PARN: variants seen among roughly 807,000 people sequenced by gnomAD.
PARN encodes the protein poly(A)-specific ribonuclease.
PARN carries 71 observed loss-of-function variants against 102.8 expected under a neutral mutation model. The ratio of observed to expected loss-of-function variants is 0.69; its 90% CI spans 0.57 to 0.84. PARN has a LOEUF of 0.84. PARN is among the 40% of genes least tolerant of loss of function. The pLI, the probability that PARN is intolerant of heterozygous loss-of-function variation, is 0.00. For synonymous variants in PARN, 261 were observed against 252.9 expected (o/e 1.03, Z -0.30); for missense variants, 782 against 760.9 (o/e 1.03, Z -0.33).
Position 14,485,776 on chromosome 16 carries a change from C to T in PARN, c.1481-2949G>A, listed in dbSNP as rs527817279. On this transcript the variant is annotated intron_variant, in intron 21 of 23. Coordinates refer to ENST00000437198, the MANE Select transcript of PARN (RefSeq NM_002582.4). ...CATCTAGGCTCATTGCAACCTCCGC[C>T]TCCCGGGTTCAAGTGATTCTCGTGC... is the stretch of plus-strand genomic sequence containing the variant. Among the ~76,000 whole-genome samples, 43 of 152,264 alleles carry T rather than the reference C, an allele frequency of 2.8e-4. No homozygotes were observed. In the East Asian group the frequency reaches 7.7e-3, roughly 27 times the overall value.
chr16:14,445,358 T>C (rs1019977711), intron 23 of PARN, among the ~76,000 whole-genome samples: 4 of 152,208 alleles, frequency 2.6e-5, no homozygotes, highest in African/African-American at 9.6e-5. Context: ...TCGGGCCACA[T>C]GCAAAAGGGG....
chr16:14,575,850 A>G (rs1296721239), intron 18 of PARN, among the ~76,000 whole-genome samples: 1 of 152,144 alleles, frequency 6.6e-6, no homozygotes, highest in Non-Finnish European at 1.5e-5. Flanking sequence ...ATTCCCACAT[A>G]TCGTAGGAGG....
rs1961225329 is a variant in PARN, at chr16:14,446,926, T to C, written c.1826A>G (p.Lys609Arg). 1.2e-6 allele frequency: 2 copies of C among 1,613,294 alleles called. No homozygotes were observed. The highest frequency in any genetic ancestry group is 1.7e-6 in the Non-Finnish European group (2 of 1,179,726). ...EPLSEGRKKA[K>R]KLKRMKKELS... is the part of the protein sequence containing the mutation. Reference sequence around the variant, plus strand: ...CTCCTTCTTCATTCTTTTTAATTTCTTGGCCTTTTTCCTTCCCTCTGAGAG... The same window carrying C: ...CTCCTTCTTCATTCTTTTTAATTTCCTGGCCTTTTTCCTTCCCTCTGAGAG... The change falls in exon 23 of 24, where the codon AAG (lysine) becomes AGG (arginine). Residue 609 changes from lysine to arginine, a missense_variant. Transcript: ENST00000437198.
chr16:14,593,491 TTAAAAAAAAAAAAAAAAAA>T (rs1472933554), intron 12 of PARN, 113 bp from the exon 13 acceptor site: 2 of 27,634 alleles, frequency 7.2e-5, no homozygotes, highest in Admixed American at 5.8e-4. Flanking sequence ...CTTTCCAGAC[TTAAAAAAAAAAAAAAAAAA>T]AAAAAAAAAA....
chr16:14,547,822 T>C (rs959355250), intron 21 of PARN, among the ~76,000 whole-genome samples: 1 of 152,204 alleles, frequency 6.6e-6, no homozygotes, highest in East Asian at 1.9e-4. Context: ...AGAAATAGTT[T>C]GTAACAGAGC....
rs201782700 is a variant in PARN at position 14,555,675 on chromosome 16, G to T, written c.1297C>A (p.Leu433Ile). The change falls in exon 19 of 24, where the codon CTA becomes ATA. Residue 433 changes from leucine (L) to isoleucine (I), a missense_variant. By Grantham distance (5) the Leu-to-Ile change is conservative (BLOSUM62 2). Transcript: ENST00000437198. Reference protein sequence around the residue: ...FLMRVMDIPYLNLEGPDLQPK... With the variant: ...FLMRVMDIPYINLEGPDLQPK... ...TTACAGTCTGGTCCTTCCAAGTTTA[G>T]ATAGGGGATATCCATGACCCTCATA... 4.6e-5 allele frequency: 68 copies of T among 1,482,462 alleles called. No individual in the cohort carries two copies. Among genetic ancestry groups the T allele is most frequent in the Non-Finnish European group, 5.7e-5 (62 of 1,089,680 alleles). 91.8% of individuals were successfully genotyped at this position (1,482,462 alleles called of 1,614,324 possible).
At position 14,476,565 on chromosome 16, in the gene PARN, C is replaced by T. The variant is rs111776185; in HGVS notation, c.1670+6073G>A. On this transcript the variant is annotated intron_variant, in intron 22 of 23. Transcript: ENST00000437198. Reference sequence around the variant, plus strand: ...GAATGGGGGGCTGGGCACAGTGGCTCGTGCCTGTAAGCCCAGCACTTTGAG... The same window carrying T: ...GAATGGGGGGCTGGGCACAGTGGCTTGTGCCTGTAAGCCCAGCACTTTGAG... Among the ~76,000 whole-genome samples the T allele has an allele frequency of 8.1e-3, 1,229 of 152,266 alleles. 10 individuals carry two copies. Among genetic ancestry groups the T allele is most frequent in the Non-Finnish European group, 0.013 (895 of 68,022 alleles).
At chr16:14,546,271 T>C (rs1333242370) in intron 21 of PARN, among the ~76,000 whole-genome samples, 1 of 152,246 alleles carries the variant, frequency 6.6e-6, no homozygotes, top group African/African-American at 2.4e-5. Flanking sequence ...CTGTTCAGCA[T>C]AATCAAAAGC....
chr16:14,465,573 T>A (rs999188339), intron 22 of PARN, among the ~76,000 whole-genome samples: 1 of 152,200 alleles, frequency 6.6e-6, no homozygotes, highest in African/African-American at 2.4e-5. Context: ...GAAGGAAGAC[T>A]ATGATAGGTT....
rs1286488410 is a variant in PARN at position 14,582,251 on chromosome 16, T to A, written c.1122A>T (p.Glu374Asp). The change falls in exon 17 of 24, where the codon GAA becomes GAT. Residue 374 changes from glutamate (E) to aspartate (D), a missense_variant. Physicochemically the swap from Glu to Asp is conservative, Grantham distance 45 (BLOSUM62 2). Coordinates refer to ENST00000437198, the MANE Select transcript of PARN (RefSeq NM_002582.4). Reference protein sequence around the residue: ...EGFPSYDTASEQLHEAGYDAY... With the variant: ...EGFPSYDTASDQLHEAGYDAY... ...CATCGTAGCCTGCCTCGTGGAGTTG[T>A]TCAGAGGCTGTGTCATAACTTGGAA... 1 of 1,613,858 alleles carries A rather than the reference T, an allele frequency of 6.2e-7. No homozygotes were observed. The highest frequency in any genetic ancestry group is 1.3e-5 in the African/African-American group (1 of 75,052).
At chr16:14,502,475 G>C (rs116488787) in intron 21 of PARN, among the ~76,000 whole-genome samples, 7 of 152,184 alleles carry the variant, frequency 4.6e-5, no homozygotes, top group Admixed American at 1.3e-4. Context: ...CTTGCTACAA[G>C]AAGAGTGTGA....
chr16:14,436,855 A>G, intron 23 of PARN, 83 bp from the exon 24 acceptor site: 1 of 1,024,182 alleles, frequency 9.8e-7, no homozygotes, highest in Admixed American at 2.0e-5. Context: ...GCAGACAGAC[A>G]GAGGGCCTGT....
intron 21 of PARN, among the ~76,000 whole-genome samples, chr16:14,517,332 T>C (rs1170841882): frequency 2.0e-5 from 3 of 152,222 alleles, no homozygotes; most frequent in South Asian, 4.1e-4. Context: ...TTGGTCACCA[T>C]GTGGACAAGC....
At chr16:14,492,565 T>C (rs944671734) in intron 21 of PARN, among the ~76,000 whole-genome samples, 3 of 152,102 alleles carry the variant, frequency 2.0e-5, no homozygotes, top group South Asian at 2.1e-4. Context: ...CTTGGTTCTG[T>C]TACCTAGAGC....
chr16:14,615,900 C>CAA (rs755459165), intron 6 of PARN, among the ~76,000 whole-genome samples: 25 of 84,354 alleles, frequency 3.0e-4, no homozygotes, highest in Admixed American at 2.1e-3. Context: ...GATTCTGTCT[C>CAA]AAAAAAAAAA....
chr16:14,626,994 G>T, intron 5 of PARN, 112 bp downstream of exon 5: 1 of 674,042 alleles, frequency 1.5e-6, no homozygotes, highest in Non-Finnish European at 2.7e-6. Flanking sequence ...GGTCAAAGGT[G>T]AAATGATTTG....
chr16:14,450,867 C>A (rs1031433928), intron 22 of PARN, among the ~76,000 whole-genome samples: 1 of 151,824 alleles, frequency 6.6e-6, no homozygotes, highest in East Asian at 1.9e-4. Context: ...CAATGTGTGC[C>A]CTCTAATTTA....
At chr16:14,529,884 T>C (rs1283201311) in intron 21 of PARN, among the ~76,000 whole-genome samples, 1 of 152,106 alleles carries the variant, frequency 6.6e-6, no homozygotes, top group African/African-American at 2.4e-5. Flanking sequence ...CTATAGGTGA[T>C]ACCATCCCTA....
chr16:14,493,566 G>A (rs952036333), intron 21 of PARN, among the ~76,000 whole-genome samples: 1 of 152,216 alleles, frequency 6.6e-6, no homozygotes, highest in Non-Finnish European at 1.5e-5. Flanking sequence ...GCAGTGGGAA[G>A]CAGAGATTCC....
Sources: allele counts gnomAD v4.1 joint callset (sites outside exome capture counted in the v4.1 genomes callset), GRCh38; gene constraint gnomAD v4.1.1; transcripts MANE v1.5; gene names NCBI Gene and HGNC (gene_info 2026-07-23, HGNC 2026-07-21).